AOX1: variants seen among roughly 807,000 people sequenced by gnomAD.
AOX1 encodes aldehyde oxidase 1, also known as aldehyde oxidase.
In AOX1, 153 loss-of-function variants were observed where a neutral mutation model predicts 169.5. The ratio of observed to expected loss-of-function variants is 0.90; its 90% CI spans 0.79 to 1.03. AOX1 has a LOEUF of 1.03. Among genes scored for constraint, AOX1 ranks in the 50% least tolerant of loss-of-function variants. The pLI is 0.00. For synonymous variants in AOX1, 562 were observed against 581.9 expected (o/e 0.97, Z 0.49); for missense variants, 1,656 against 1,663.9 (o/e 1.00, Z 0.08).
At chr2:200,608,937 G>T (rs886786724) in intron 10 of AOX1, 47 bp from the exon 11 acceptor site, 1 of 1,568,008 alleles carries the variant, frequency 6.4e-7, no homozygotes, top group Non-Finnish European at 8.7e-7. Context: ...GACATTTTCA[G>T]ATCAGCAGTG....
chr2:200,655,839 C>A (rs1360613564), intron 26 of AOX1, among the ~76,000 whole-genome samples: 22 of 152,174 alleles, frequency 1.4e-4, no homozygotes, highest in Admixed American at 1.4e-3. Context: ...CAGTCTTTTT[C>A]TTGGGTTTAT....
At chr2:200,641,058 G>A in intron 23 of AOX1, 40 bp from the exon 24 acceptor site, 1 of 1,485,276 alleles carries the variant, frequency 6.7e-7, no homozygotes, top group African/African-American at 1.4e-5. Flanking sequence ...GGAGAGACTT[G>A]GCCCCTGTTC....
At chr2:200,617,537 C>T (rs187419380) in intron 16 of AOX1, among the ~76,000 whole-genome samples, 3 of 128,738 alleles carry the variant, frequency 2.3e-5, no homozygotes, top group South Asian at 2.6e-4. Flanking sequence ...AGGACAAAGA[C>T]ATTTTTTGGA....
intron 9 of AOX1, 26 bp from the exon 10 acceptor site, chr2:200,605,510 A>ATTTTTT: frequency 8.3e-7 from 1 of 1,207,568 alleles, no homozygotes; most frequent in Non-Finnish European, 1.1e-6. Flanking sequence ...AGTCTTATTG[A>ATTTTTT]TTTTTTTTTT....
At position 200,638,215 on chromosome 2, in the gene AOX1, A is replaced by T; in HGVS notation, c.2481A>T (p.Lys827Asn). The part of the protein sequence containing the change: ...IAAVTAFAAN[K>N]HGRAVRCVLE... ...CTCACTTACTTTTTTTCTGTTTTAG[A>T]CATGGCCGTGCAGTTCGCTGTGTTC... Residue 827 changes from lysine (K) to asparagine (N), a missense_variant and splice_region_variant, in exon 23 of 35, where the codon AAA (lysine) becomes AAT (asparagine). By Grantham distance (94) the Lys-to-Asn change is moderately conservative. Transcript: ENST00000374700. The T allele has an allele frequency of 6.2e-7, 1 of 1,613,382 alleles. No homozygotes were observed. Among genetic ancestry groups the T allele is most frequent in the Non-Finnish European group, 8.5e-7 (1 of 1,179,456 alleles).
rs765127387 is a variant in AOX1 at position 200,636,117 on chromosome 2, C to CTTTTTT, written c.2347-770_2347-765dup. On this transcript the variant is annotated intron_variant, in intron 21 of 34. Transcript: ENST00000374700. ...CAATCCAAGCAAGAAGTGAGAAGTG[C>CTTTTTT]TTTTTTTTTTTTTTTTTTTTTTTTT... is the stretch of plus-strand genomic sequence containing the variant. Among the ~76,000 whole-genome samples, 27 of 53,974 alleles carry CTTTTTT rather than the reference C, an allele frequency of 5.0e-4. 4 individuals are homozygous for CTTTTTT. The highest frequency in any genetic ancestry group is 8.8e-4 in the African/African-American group (11 of 12,542). The allele number at this position is 53,974 out of a possible 152,430, so 35.4% of individuals were successfully genotyped here. A position where few individuals can be genotyped will look rare whatever the true frequency, so the allele number is the denominator to read the frequency against.
At chr2:200,656,401 G>T (rs13035983) in intron 26 of AOX1, among the ~76,000 whole-genome samples, 2 of 152,064 alleles carry the variant, frequency 1.3e-5, no homozygotes, top group Non-Finnish European at 2.9e-5. Flanking sequence ...GGATCCTTGT[G>T]GGGAGCTATA....
intron 26 of AOX1, among the ~76,000 whole-genome samples, chr2:200,652,479 G>C (rs1232683232): frequency 1.3e-5 from 2 of 152,186 alleles, no homozygotes; most frequent in Non-Finnish European, 2.9e-5. Flanking sequence ...AACTACCACT[G>C]GGAAAAGGGT....
At chr2:200,660,164 G>A (rs926571967) in intron 29 of AOX1, 95 bp downstream of exon 29, 3 of 1,051,130 alleles carry the variant, frequency 2.9e-6, no homozygotes, top group Non-Finnish European at 4.3e-6. Context: ...TGTAGAAAGG[G>A]CATTTGCAAA....
At chr2:200,603,396 CA>C in intron 7 of AOX1, 40 bp downstream of exon 7, 1 of 1,515,764 alleles carries the variant, frequency 6.6e-7, no homozygotes, top group Non-Finnish European at 9.2e-7. Context: ...TTTCTCAGGA[CA>C]TGAACAGGAG....
chr2:200,601,168 T>A (rs1158674197), intron 5 of AOX1, among the ~76,000 whole-genome samples: 1 of 147,942 alleles, frequency 6.8e-6, no homozygotes, highest in East Asian at 2.0e-4. Flanking sequence ...ACAACGTAAA[T>A]GAACCTGGAG....
At chr2:200,655,001 C>T (rs1368474016) in intron 26 of AOX1, among the ~76,000 whole-genome samples, 1 of 152,166 alleles carries the variant, frequency 6.6e-6, no homozygotes, top group Non-Finnish European at 1.5e-5. Flanking sequence ...CCAGCAGGGT[C>T]ACACAATGTT....
downstream of AOX1, among the ~76,000 whole-genome samples, chr2:200,675,469 T>C (rs1411226907): frequency 6.6e-6 from 1 of 152,178 alleles, no homozygotes; most frequent in Admixed American, 6.5e-5. Flanking sequence ...TGCTCAGAGC[T>C]GGAGAAGGCT....
chr2:200,593,122 ACT>A (rs1181461928), intron 1 of AOX1, 22 bp from the exon 2 acceptor site: 2 of 1,589,454 alleles, frequency 1.3e-6, no homozygotes, highest in East Asian at 2.2e-5. Context: ...CTCTCAACTA[ACT>A]CTTATTTTCC....
At chr2:200,616,603 G>A (rs538540112) in intron 16 of AOX1, among the ~76,000 whole-genome samples, 2 of 152,304 alleles carry the variant, frequency 1.3e-5, no homozygotes, top group Admixed American at 6.5e-5. Context: ...TGAATCAAAC[G>A]TAAGTACTAA....
chr2:200,636,193 G>T (rs781499310), intron 21 of AOX1, among the ~76,000 whole-genome samples: 2 of 130,968 alleles, frequency 1.5e-5, no homozygotes, highest in African/African-American at 2.9e-5. Context: ...CAGTGGTGCC[G>T]TCTCAGCTCA....
At chr2:200,611,283 A>G in intron 12 of AOX1, 101 bp from the exon 13 acceptor site, 1 of 795,338 alleles carries the variant, frequency 1.3e-6, no homozygotes, top group Admixed American at 2.0e-5. Context: ...TTCCCTGAAC[A>G]ACCGGTTTCC....
chr2:200,593,323 G>C lies in AOX1; in HGVS notation c.103+120G>C, dbSNP rs2034213963. ...ACTGAGACATATTCCCTACTATCAT[G>C]GTTTTATGCTCATATTTGAGAAAGT... On this transcript the variant is annotated intron_variant, in intron 2 of 34. Transcript: ENST00000374700. The C allele has an allele frequency of 6.2e-6, 5 of 811,044 alleles. No individual in the cohort carries two copies. The Admixed American group carries it at 1.2e-4, about 19-fold the overall frequency. The allele number at this position is 811,044 out of a possible 1,614,324, so 50.2% of individuals were successfully genotyped here.
At position 200,627,534 on chromosome 2, in the gene AOX1, G is replaced by C. The variant is rs1041178872; in HGVS notation, c.2221+85G>C. On this transcript the variant is annotated intron_variant, in intron 20 of 34. Coordinates refer to ENST00000374700, the MANE Select transcript of AOX1 (RefSeq NM_001159.4). ...CTTCCTTTGTCTTCTGGAAATCATC[G>C]GGCAGCCTAGGGGGGTGTTGCTCCT... is the stretch of plus-strand genomic sequence containing the variant. 1.7e-4 allele frequency: 160 copies of C among 932,628 alleles called. 1 individual carries two copies. Among genetic ancestry groups the C allele is most frequent in the East Asian group, 2.4e-5 (1 of 41,210 alleles). The allele number at this position is 932,628 out of a possible 1,614,324, so 57.8% of individuals were successfully genotyped here.
Sources: gnomAD v4.1 joint callset for allele counts (sites outside exome capture counted in the v4.1 genomes callset) on GRCh38, gnomAD v4.1.1 for gene constraint, MANE v1.5 for transcripts, NCBI Gene and HGNC (gene_info 2026-07-23, HGNC 2026-07-21) for gene names.